The following DESI2 variants were observed in gnomAD, a reference collection of about 807,000 sequenced individuals.
DESI2 encodes the protein desumoylating isopeptidase 2.
DESI2 carries 10 observed loss-of-function variants against 24.1 expected under a neutral mutation model. That is an observed-to-expected ratio of 0.41 (90% confidence interval 0.26 to 0.70). The LOEUF (loss-of-function observed/expected upper bound fraction) is 0.70, where lower values mean the gene tolerates loss of function less well. Among genes scored for constraint, DESI2 ranks in the 30% least tolerant of loss-of-function variants. The pLI, the probability that DESI2 is intolerant of heterozygous loss-of-function variation, is 0.29. For synonymous variants in DESI2, 71 were observed against 87.7 expected (o/e 0.81, Z 1.06); for missense variants, 122 against 234.9 (o/e 0.52, Z 3.14).
chr1:244,661,319 A>G lies in DESI2; in HGVS notation c.42+7964A>G, dbSNP rs75400104. On this transcript the variant is annotated intron_variant, in intron 1 of 4. Transcript: ENST00000302550. ...TTAGCATAGTCCTCAGGGTTTATCT[A>G]TGTTGCAGCATGTATCAGAATTTCC... 1.5e-3 allele frequency among the ~76,000 whole-genome samples: 224 copies of G among 152,298 alleles called. 1 individual carries two copies. Among genetic ancestry groups the G allele is most frequent in the African/African-American group, 5.0e-3 (209 of 41,548 alleles).
chr1:244,660,494 C>A (rs1221893756), intron 1 of DESI2, among the ~76,000 whole-genome samples: 1 of 152,284 alleles, frequency 6.6e-6, no homozygotes, highest in Admixed American at 6.5e-5. Context: ...GATGTACTTA[C>A]ACTTTCCGTT....
At chr1:244,682,075 C>A (rs1352080731) in intron 1 of DESI2, among the ~76,000 whole-genome samples, 1 of 152,170 alleles carries the variant, frequency 6.6e-6, no homozygotes, top group Non-Finnish European at 1.5e-5. Flanking sequence ...GTCAGTGTTA[C>A]AGCTCATAAA....
At chr1:244,700,628 C>G (rs972694251) in intron 4 of DESI2, among the ~76,000 whole-genome samples, 1 of 152,168 alleles carries the variant, frequency 6.6e-6, no homozygotes, top group African/African-American at 2.4e-5. Flanking sequence ...CTCACCCCCA[C>G]CAGTAGATGA....
At chr1:244,656,155 GT>G (rs1675640569) in intron 1 of DESI2, 1 of 152,178 alleles carries the variant, frequency 6.6e-6, no homozygotes, top group Non-Finnish European at 1.5e-5. Context: ...CAGCTGTCTG[GT>G]TCCAACTCTG....
chr1:244,699,325 T>C (rs1167561255), intron 4 of DESI2, among the ~76,000 whole-genome samples: 2 of 152,124 alleles, frequency 1.3e-5, no homozygotes, highest in African/African-American at 4.8e-5. Context: ...GGCTCATGCC[T>C]GTAATCCCAA....
chr1:244,672,518 A>G (rs923932081), intron 1 of DESI2, among the ~76,000 whole-genome samples: 5 of 152,176 alleles, frequency 3.3e-5, no homozygotes, highest in Admixed American at 6.5e-5. Context: ...ACTTTATAGC[A>G]ACACAAAAAC....
At chr1:244,681,361 A>G (rs369563116) in intron 1 of DESI2, among the ~76,000 whole-genome samples, 169 of 151,850 alleles carry the variant, frequency 1.1e-3, no homozygotes, top group African/African-American at 3.6e-3. Flanking sequence ...ATCTCCCTCT[A>G]CTACCCTGAC....
At chr1:244,702,228 G>A (rs1677493124) in intron 4 of DESI2, among the ~76,000 whole-genome samples, 1 of 152,112 alleles carries the variant, frequency 6.6e-6, no homozygotes, top group East Asian at 1.9e-4. Flanking sequence ...AAAAACATTG[G>A]CTTGGCTGGG....
chr1:244,660,331 A>G (rs1220635491), intron 1 of DESI2, among the ~76,000 whole-genome samples: 1 of 151,954 alleles, frequency 6.6e-6, no homozygotes, highest in Non-Finnish European at 1.5e-5. Flanking sequence ...ATGCCCAGCT[A>G]GTTTTTTTGT....
At chr1:244,683,074 G>T (rs1676674219) in intron 1 of DESI2, among the ~76,000 whole-genome samples, 1 of 152,122 alleles carries the variant, frequency 6.6e-6, no homozygotes, top group Admixed American at 6.5e-5. Flanking sequence ...AAACATTAGG[G>T]ATCCAGGGGG....
chr1:244,668,161 G>A (rs1290308831), intron 1 of DESI2, among the ~76,000 whole-genome samples: 2 of 152,178 alleles, frequency 1.3e-5, no homozygotes, highest in African/African-American at 4.8e-5. Flanking sequence ...CAAAGTTCTG[G>A]ACACAGCAGA....
At chr1:244,674,429 C>T (rs551363838) in intron 1 of DESI2, among the ~76,000 whole-genome samples, 1 of 151,218 alleles carries the variant, frequency 6.6e-6, no homozygotes, top group African/African-American at 2.4e-5. Context: ...AGTATATTCA[C>T]AGTTGTGAAG....
intron 1 of DESI2, among the ~76,000 whole-genome samples, chr1:244,673,070 C>T (rs776727783): frequency 9.9e-5 from 15 of 152,130 alleles, no homozygotes; most frequent in East Asian, 1.9e-4. Context: ...AAATAGACAT[C>T]ATCCATATTG....
chr1:244,673,336 A>G (rs1193022661), intron 1 of DESI2, among the ~76,000 whole-genome samples: 1 of 152,224 alleles, frequency 6.6e-6, no homozygotes, highest in African/African-American at 2.4e-5. Context: ...CGTCACACCA[A>G]AGAAAAACAT....
Position 244,705,653 on chromosome 1 carries a change from T to C in DESI2, c.449T>C (p.Leu150Pro). The C allele has an allele frequency of 6.2e-7, 1 of 1,614,198 alleles. No individual in the cohort carries two copies. The highest frequency in any genetic ancestry group is 8.5e-7 in the Non-Finnish European group (1 of 1,180,038). ...CAGAGTTGCCTCCCGAAGGAGTGGC[T>C]CACGCCCGCAGCCCTGCAGTCTAGT... Reference protein sequence around the residue: ...FLQSCLPKEWLTPAALQSSVS... With the variant: ...FLQSCLPKEWPTPAALQSSVS... The change falls in exon 5 of 5, where the codon CTC becomes CCC. Residue 150 changes from leucine to proline, a missense_variant. Coordinates refer to ENST00000302550, the MANE Select transcript of DESI2 (RefSeq NM_016076.5).
chr1:244,690,748 C>G (rs1223483062), intron 3 of DESI2, among the ~76,000 whole-genome samples: 1 of 151,154 alleles, frequency 6.6e-6, no homozygotes, highest in Non-Finnish European at 1.5e-5. Context: ...ATGTGAGTTT[C>G]AAGGAGCTTT....
intron 4 of DESI2, among the ~76,000 whole-genome samples, chr1:244,701,884 A>G (rs1453847675): frequency 2.0e-5 from 3 of 152,114 alleles, no homozygotes; most frequent in Admixed American, 1.3e-4. Flanking sequence ...CACTTGGTTA[A>G]TTTTAGTCTT....
intron 4 of DESI2, among the ~76,000 whole-genome samples, chr1:244,697,236 G>A (rs1677252729): frequency 1.3e-5 from 2 of 152,066 alleles, no homozygotes; most frequent in South Asian, 4.1e-4. Flanking sequence ...GGCAAGGCAC[G>A]GTGGCTCATG....
At chr1:244,664,424 T>C (rs1675973140) in intron 1 of DESI2, among the ~76,000 whole-genome samples, 1 of 152,252 alleles carries the variant, frequency 6.6e-6, no homozygotes, top group East Asian at 1.9e-4. Flanking sequence ...TATGGTGTAA[T>C]AGAAAAAACA....
Sources: gnomAD v4.1 joint callset for allele counts (sites outside exome capture counted in the v4.1 genomes callset) on GRCh38, gnomAD v4.1.1 for gene constraint, MANE v1.5 for transcripts, NCBI Gene and HGNC (gene_info 2026-07-23, HGNC 2026-07-21) for gene names.